Variants in HSD11B1 observed in about 807,000 individuals in gnomAD.
The protein encoded by HSD11B1 is 11-beta-hydroxysteroid dehydrogenase 1.
In HSD11B1, 15 loss-of-function variants were observed where a neutral mutation model predicts 22.1. The ratio of observed to expected loss-of-function variants is 0.68; its 90% CI spans 0.45 to 1.04. The LOEUF is 1.04. Ranked by LOEUF, HSD11B1 falls within the 50% of genes least tolerant of loss-of-function variation. The probability of loss-of-function intolerance (pLI) is 0.00; values close to 1 mark genes in which losing one functional copy is unlikely to be tolerated. For synonymous variants in HSD11B1, 122 were observed against 125.2 expected, an observed-to-expected ratio of 0.97 and a Z score of 0.17; for missense variants, 281 against 357.6, an observed-to-expected ratio of 0.79 and a Z score of 1.73.
At chr1:209,708,612 A>C (rs1205471462) in intron 4 of HSD11B1, among the ~76,000 whole-genome samples, 1 of 152,236 alleles carries the variant, frequency 6.6e-6, no homozygotes, top group East Asian at 1.9e-4. Flanking sequence ...AATCCATCCC[A>C]GGGCATTGGA....
In HSD11B1 at chr1:209,705,140, G is replaced by T. The variant is rs2076848923; in HGVS notation, c.88+110G>T. The stretch of plus-strand genomic sequence containing the variant: ...CTTGATCCTCAAAGTTGGTGAAAAT[G>T]AGGGAACCCTGAGTTAAGATGGTAT... On this transcript the variant is annotated intron_variant, in intron 1 of 5. Coordinates refer to ENST00000367027, the MANE Select transcript of HSD11B1 (RefSeq NM_005525.4). 4.6e-6 allele frequency: 4 copies of T among 874,348 alleles called. No homozygotes were observed. The African/African-American group carries it at 5.0e-5, about 11-fold the overall frequency. 54.2% of individuals were successfully genotyped at this position (874,348 alleles called of 1,614,324 possible).
intron 4 of HSD11B1, among the ~76,000 whole-genome samples, chr1:209,709,007 A>T (rs1481763440): frequency 6.6e-6 from 1 of 152,238 alleles, no homozygotes; most frequent in Non-Finnish European, 1.5e-5. Context: ...TCTTGCCGCA[A>T]CTGAAGAATA....
intron 4 of HSD11B1, among the ~76,000 whole-genome samples, chr1:209,726,911 A>T (rs1024751529): frequency 1.3e-5 from 2 of 152,228 alleles, no homozygotes; most frequent in African/African-American, 2.4e-5. Context: ...AGACAAACAC[A>T]TTAAATGTCA....
intron 4 of HSD11B1, among the ~76,000 whole-genome samples, chr1:209,726,709 T>C (rs1050572343): frequency 3.3e-5 from 5 of 152,220 alleles, no homozygotes; most frequent in African/African-American, 1.2e-4. Flanking sequence ...GCTTTCACTT[T>C]CTCTCTTCTC....
At chr1:209,699,397 T>C (rs535263634) in intron 1 of HSD11B1, among the ~76,000 whole-genome samples, 1 of 152,264 alleles carries the variant, frequency 6.6e-6, no homozygotes, top group African/African-American at 2.4e-5. Context: ...AGGCACTTCT[T>C]ACATGGCAGC....
intron 1 of HSD11B1, 88 bp downstream of exon 1, chr1:209,705,118 G>C (rs2076848787): frequency 9.6e-7 from 1 of 1,041,294 alleles, no homozygotes; most frequent in Non-Finnish European, 1.5e-6. Flanking sequence ...ATGTGTTCTT[G>C]ATCCTCAAAG....
At chr1:209,692,610 G>GGGGGT (rs888184225) in intron 1 of HSD11B1, among the ~76,000 whole-genome samples, 1 of 119,648 alleles carries the variant, frequency 8.4e-6, no homozygotes, top group Non-Finnish European at 1.8e-5. Flanking sequence ...AAAATGGCGG[G>GGGGGT]GGGGGGGGTG....
intron 4 of HSD11B1, 84 bp downstream of exon 4, chr1:209,707,212 T>G (rs1385795585): frequency 7.0e-6 from 8 of 1,134,772 alleles, no homozygotes; most frequent in Non-Finnish European, 1.1e-5. Context: ...TAGACATAAA[T>G]TTTTATCAGT....
chr1:209,719,591 T>A (rs946045505), intron 4 of HSD11B1, among the ~76,000 whole-genome samples: 2 of 152,200 alleles, frequency 1.3e-5, no homozygotes, highest in African/African-American at 4.8e-5. Context: ...CGGCGTGTGA[T>A]GTTCCTCTCC....
intron 1 of HSD11B1, among the ~76,000 whole-genome samples, chr1:209,691,972 G>C (rs1050405197): frequency 6.6e-6 from 1 of 152,132 alleles, no homozygotes; most frequent in Admixed American, 6.5e-5. Flanking sequence ...GCTGAGAAAG[G>C]AAAGAGCAAG....
At position 209,704,895 on chromosome 1, in the gene HSD11B1, G is replaced by C. The variant is rs954196901; in HGVS notation, c.-48G>C. 1.4e-6 allele frequency: 2 copies of C among 1,434,908 alleles called. No homozygotes were observed. The highest frequency in any genetic ancestry group is 2.0e-6 in the Non-Finnish European group (2 of 1,017,452). The allele number at this position is 1,434,908 out of a possible 1,614,324, so 88.9% of individuals were successfully genotyped here. A position where few individuals can be genotyped will look rare whatever the true frequency, so the allele number is the denominator to read the frequency against. On this transcript the variant is annotated 5_prime_UTR_variant, in exon 1 of 6. Coordinates refer to ENST00000367027, the MANE Select transcript of HSD11B1 (RefSeq NM_005525.4). ...TAGGAGGTTGTAGAAAGCTCTGTAG[G>C]TTCTCTCTGTGTGTCCTACAGGAGT... is the stretch of plus-strand genomic sequence containing the variant.
chr1:209,689,259 A>G (rs1034941538), intron 1 of HSD11B1, among the ~76,000 whole-genome samples: 12 of 152,196 alleles, frequency 7.9e-5, no homozygotes, highest in African/African-American at 2.9e-4. Flanking sequence ...GCTTACACTA[A>G]GCAGAAGAAT....
intron 4 of HSD11B1, among the ~76,000 whole-genome samples, chr1:209,731,686 G>A (rs960046217): frequency 1.3e-5 from 2 of 152,126 alleles, no homozygotes; most frequent in East Asian, 1.9e-4. Flanking sequence ...TTTAAAAAGC[G>A]GCTTTGGGTA....
intron 4 of HSD11B1, among the ~76,000 whole-genome samples, chr1:209,726,191 G>A (rs1005691359): frequency 1.4e-5 from 2 of 144,916 alleles, no homozygotes; most frequent in East Asian, 2.1e-4. Flanking sequence ...TGAGGCAGGA[G>A]AATCACTTGA....
rs185952945 is a variant in HSD11B1, at chr1:209,713,166, A to T, written c.517+6038A>T. Among the ~76,000 whole-genome samples the T allele has an allele frequency of 7.9e-5, 12 of 152,364 alleles. No individual in the cohort carries two copies. The East Asian group carries it at 2.3e-3, about 29-fold the overall frequency. On this transcript the variant is annotated intron_variant, in intron 4 of 5. Transcript: ENST00000367027. ...AAAAACATTTGTTGTAGGATTTTTT[A>T]AATTGCAAAACATTGGAAGTAACCT...
intron 4 of HSD11B1, among the ~76,000 whole-genome samples, chr1:209,721,412 A>G (rs1268058987): frequency 6.7e-6 from 1 of 150,356 alleles, no homozygotes; most frequent in African/African-American, 2.5e-5. Context: ...GAAAAAAAAA[A>G]TAGGTTGTGT....
rs56342028 is a variant in HSD11B1, at chr1:209,719,019, C to CAAAAAAAAAAAAAAAAAAAAAA, written c.517+11908_517+11909insAAAAAAAAAAAAAAAAAAAAAA. Among the ~76,000 whole-genome samples the CAAAAAAAAAAAAAAAAAAAAAA allele has an allele frequency of 4.2e-4, 15 of 35,700 alleles. 1 individual carries two copies. The highest frequency in any genetic ancestry group is 1.5e-3 in the Admixed American group (3 of 2,060). The allele number at this position is 35,700 out of a possible 152,430, so 23.4% of individuals were successfully genotyped here. On this transcript the variant is annotated intron_variant, in intron 4 of 5. Coordinates refer to ENST00000367027, the MANE Select transcript of HSD11B1 (RefSeq NM_005525.4). ...TGGGTGACACAGTGAGACTCCATCTCAAAAAAAAAAAAAAAAAGGAAAGAA... is the reference window on the plus strand; with the variant it reads ...TGGGTGACACAGTGAGACTCCATCTCAAAAAAAAAAAAAAAAAAAAAAAAAAAAAAAAAAAAAAAGGAAAGAA...
chr1:209,721,402 G>GAA (rs148001373), intron 4 of HSD11B1, among the ~76,000 whole-genome samples: 1 of 98,668 alleles, frequency 1.0e-5, no homozygotes, highest in Non-Finnish European at 2.0e-5. Context: ...TGGCTCAGCA[G>GAA]AAAAAAAAAA....
chr1:209,721,469 CA>C lies in HSD11B1; in HGVS notation c.518-10949del, dbSNP rs3059693. ...TTTAAGTTTGAAATTATTTCAAAAG[CA>C]AAAAAAAAAAAAAAAAATCCCCATC... On this transcript the variant is annotated intron_variant, in intron 4 of 5. Transcript: ENST00000367027. 8.1e-3 allele frequency among the ~76,000 whole-genome samples: 829 copies of C among 101,750 alleles called. 2 individuals carry two copies. The highest frequency in any genetic ancestry group is 0.014 in the Middle Eastern group (2 of 146). The allele number at this position is 101,750 out of a possible 152,430, so 66.8% of individuals were successfully genotyped here.
Sources: gnomAD v4.1 joint callset for allele counts (sites outside exome capture counted in the v4.1 genomes callset) on GRCh38, gnomAD v4.1.1 for gene constraint, MANE v1.5 for transcripts, NCBI Gene and HGNC (gene_info 2026-07-23, HGNC 2026-07-21) for gene names.